EMILIN1: variants seen among roughly 807,000 people sequenced by gnomAD.
The protein encoded by EMILIN1 is EMILIN-1.
EMILIN1 carries 49 observed loss-of-function variants against 82.4 expected under a neutral mutation model. The ratio of observed to expected loss-of-function variants is 0.59; its 90% CI spans 0.47 to 0.75. The LOEUF is 0.75. Ranked by LOEUF, EMILIN1 falls within the 30% of genes least tolerant of loss-of-function variation. EMILIN1 has a pLI of 0.00. For synonymous variants in EMILIN1, 604 were observed against 602.2 expected (o/e 1.00, Z -0.04); for missense variants, 1,313 against 1,366.4 (o/e 0.96, Z 0.62).
chr2:27,082,854 G>T lies in EMILIN1; in HGVS notation c.1283G>T (p.Trp428Leu). Residue 428 changes from tryptophan to leucine, a missense_variant, in exon 4 of 8, where the codon TGG (tryptophan) becomes TTG (leucine). Physicochemically the swap from Trp to Leu is moderately conservative, Grantham distance 61 (BLOSUM62 -2). Coordinates refer to ENST00000380320, the MANE Select transcript of EMILIN1 (RefSeq NM_007046.4). ...LGPSEEQEES[W>L]PGAPGGLSHW... ...CCTTCGGAGGAGCAGGAGGAGAGCTGGCCTGGGGCTCCTGGGGGGCTGAGC... is the reference window on the plus strand; with the variant it reads ...CCTTCGGAGGAGCAGGAGGAGAGCTTGCCTGGGGCTCCTGGGGGGCTGAGC... 1 of 1,584,400 alleles carries T rather than the reference G, an allele frequency of 6.3e-7. No homozygotes were observed. Among genetic ancestry groups the T allele is most frequent in the Non-Finnish European group, 8.5e-7 (1 of 1,173,472 alleles).
At chr2:27,085,493 T>G (rs1353267578) in intron 7 of EMILIN1, among the ~76,000 whole-genome samples, 185 bp from the exon 8 acceptor site, 1 of 152,240 alleles carries the variant, frequency 6.6e-6, no homozygotes, top group East Asian at 1.9e-4. Flanking sequence ...AGATCTTTAC[T>G]GGGGCCTGCT....
chr2:27,079,079 C>A lies in EMILIN1; in HGVS notation c.14C>A (p.Thr5Asn). Residue 5 changes from threonine (T) to asparagine (N), a missense_variant, in exon 1 of 8, where the codon ACC (threonine) becomes AAC (asparagine). Transcript: ENST00000380320. MAPR[T>N]LWSCYLCCLL... is the part of the protein sequence containing the mutation. ...GAGCGCCCCGCCATGGCCCCCCGCACCCTCTGGAGCTGCTACCTCTGCTGC... is the reference window on the plus strand; with the variant it reads ...GAGCGCCCCGCCATGGCCCCCCGCAACCTCTGGAGCTGCTACCTCTGCTGC... The A allele has an allele frequency of 6.3e-7, 1 of 1,597,770 alleles. No individual in the cohort carries two copies. Among genetic ancestry groups the A allele is most frequent in the South Asian group, 1.1e-5 (1 of 90,502 alleles).
chr2:27,081,935 TG>T, intron 3 of EMILIN1, 147 bp from the exon 4 acceptor site: 1 of 967,660 alleles, frequency 1.0e-6, no homozygotes, highest in Non-Finnish European at 1.5e-6. Context: ...ATTCAGTGAA[TG>T]GAGTTTCTTT....
At chr2:27,079,271 T>G (rs1572844609) in intron 1 of EMILIN1, 36 bp downstream of exon 1, 1 of 1,516,074 alleles carries the variant, frequency 6.6e-7, no homozygotes. Flanking sequence ...GCTTGGGTGG[T>G]GAGGAAGGGG....
chr2:27,085,734 C>T lies in EMILIN1; in HGVS notation c.2770C>T (p.His924Tyr), dbSNP rs765970898. The change falls in exon 8 of 8, where the codon CAC (histidine) becomes TAC (tyrosine). Residue 924 changes from histidine (H) to tyrosine (Y), a missense_variant. Coordinates refer to ENST00000380320, the MANE Select transcript of EMILIN1 (RefSeq NM_007046.4). ...RYLLSAVLTGHRHEKVEAVLS... is the reference protein window; with the variant it reads ...RYLLSAVLTGYRHEKVEAVLS... Reference sequence around the variant, plus strand: ...CTTGCTGAGCGCGGTGCTGACTGGGCACCGGCACGAGAAAGTGGAGGCCGT... The same window carrying T: ...CTTGCTGAGCGCGGTGCTGACTGGGTACCGGCACGAGAAAGTGGAGGCCGT... 1 of 1,610,420 alleles carries T rather than the reference C, an allele frequency of 6.2e-7. No homozygotes were observed. The highest frequency in any genetic ancestry group is 8.5e-7 in the Non-Finnish European group (1 of 1,177,900).
rs776230332 is a variant in EMILIN1 at position 27,083,914 on chromosome 2, G to A, written c.2343G>A (p.Gly781=). ...CAGCCCTGCTGGAGAAGCTGGTCGGGGGACAGGCGGGCCTGGGCAGGCGGC... is the reference window on the plus strand; with the variant it reads ...CAGCCCTGCTGGAGAAGCTGGTCGGAGGACAGGCGGGCCTGGGCAGGCGGC... The part of the protein sequence containing the change: ...MQAALLEKLV[G]GQAGLGRRLG... The change falls in exon 4 of 8, where the codon GGG becomes GGA. Residue 781 remains glycine, a synonymous_variant. Coordinates refer to ENST00000380320, the MANE Select transcript of EMILIN1 (RefSeq NM_007046.4). 3 of 1,606,642 alleles carry A rather than the reference G, an allele frequency of 1.9e-6. No homozygotes were observed. Among genetic ancestry groups the A allele is most frequent in the Non-Finnish European group, 2.6e-6 (3 of 1,175,596 alleles).
Position 27,083,111 on chromosome 2 carries a change from G to C in EMILIN1, c.1540G>C (p.Val514Leu). 6.4e-7 allele frequency: 1 copy of C among 1,565,292 alleles called. No homozygotes were observed. ...VLDSEGQLRL[V>L]GSGLHTVEAA... ...GGACAGTGAGGGGCAGCTGCGGCTG[G>C]TGGGCTCCGGCCTGCACACGGTGGA... The change falls in exon 4 of 8, where the codon GTG (valine) becomes CTG (leucine). Residue 514 changes from valine (V) to leucine (L), a missense_variant. Transcript: ENST00000380320.
Position 27,082,924 on chromosome 2 carries a change from G to A in EMILIN1, c.1353G>A (p.Gly451=), listed in dbSNP as rs539737004. The change falls in exon 4 of 8, where the codon GGG becomes GGA. Residue 451 remains glycine, a synonymous_variant. Coordinates refer to ENST00000380320, the MANE Select transcript of EMILIN1 (RefSeq NM_007046.4). The part of the protein sequence containing the change: ...AARGRLEQLG[G]LLANVSGELG... ...GGGGCCGACTAGAGCAGTTGGGGGG[G>A]CTGCTGGCCAATGTGAGCGGGGAGC... 3.1e-5 allele frequency: 50 copies of A among 1,591,006 alleles called. No individual in the cohort carries two copies. The South Asian group carries it at 3.9e-4, about 12-fold the overall frequency.
At position 27,082,719 on chromosome 2, in the gene EMILIN1, G is replaced by A. The variant is rs751011388; in HGVS notation, c.1148G>A (p.Arg383Gln). ...TCAGTGACAGTGCTGAGTGGGCGGC[G>A]AGGCACAGAGCTGGGAGGAGCCGCG... ...AGSVTVLSGR[R>Q]GTELGGAAGQ... The change falls in exon 4 of 8, where the codon CGA (arginine) becomes CAA (glutamine). Residue 383 changes from arginine to glutamine, a missense_variant. Coordinates refer to ENST00000380320, the MANE Select transcript of EMILIN1 (RefSeq NM_007046.4). 2.1e-5 allele frequency: 33 copies of A among 1,550,048 alleles called. No individual in the cohort carries two copies. The highest frequency in any genetic ancestry group is 7.6e-5 in the Admixed American group (4 of 52,914).
At position 27,078,815 on chromosome 2, in the gene EMILIN1, C is replaced by T; in HGVS notation, c.-251C>T. 1 of 431,216 alleles carries T rather than the reference C, an allele frequency of 2.3e-6. No homozygotes were observed. The highest frequency in any genetic ancestry group is 4.1e-6 in the Non-Finnish European group (1 of 243,374). 26.7% of individuals were successfully genotyped at this position (431,216 alleles called of 1,614,324 possible). On this transcript the variant is annotated 5_prime_UTR_variant, in exon 1 of 8. Coordinates refer to ENST00000380320, the MANE Select transcript of EMILIN1 (RefSeq NM_007046.4). Reference sequence around the variant, plus strand: ...CCAGAGGGGGCACAGAGAACAAACCCCCTCAGAAGTGAAGAGGAGAGCGGA... The same window carrying T: ...CCAGAGGGGGCACAGAGAACAAACCTCCTCAGAAGTGAAGAGGAGAGCGGA...
In EMILIN1 at chr2:27,079,033, G is replaced by A. The variant is rs765716922; in HGVS notation, c.-33G>A. On this transcript the variant is annotated 5_prime_UTR_variant, in exon 1 of 8. It removes an upstream start codon present in the reference 5' UTR. Coordinates refer to ENST00000380320, the MANE Select transcript of EMILIN1 (RefSeq NM_007046.4). The stretch of plus-strand genomic sequence containing the variant: ...AGAGGCGCCAGTGGCTGGGCGGGAT[G>A]AGTCTCTGAGGGCCACTGTGGAGCG... 1.2e-5 allele frequency: 18 copies of A among 1,491,764 alleles called. No individual in the cohort carries two copies. The African/African-American group carries it at 2.6e-4, about 22-fold the overall frequency. The allele number at this position is 1,491,764 out of a possible 1,614,324, so 92.4% of individuals were successfully genotyped here.
rs1669524513 is a variant in EMILIN1, at chr2:27,083,488, C to T, written c.1917C>T (p.Ala639=). Residue 639 remains alanine (A), a synonymous_variant, in exon 4 of 8, where the codon GCC becomes GCT. Coordinates refer to ENST00000380320, the MANE Select transcript of EMILIN1 (RefSeq NM_007046.4). ...TGTTTGGGGGCAGCTCAGGCTCAGC[C>T]CTGCAGGCCCTGCAAGGAGAGCTCT... ...FSVFGGSSGS[A]LQALQGELSE... is the part of the protein sequence containing the mutation. The T allele has an allele frequency of 6.2e-7, 1 of 1,613,624 alleles. No homozygotes were observed. The highest frequency in any genetic ancestry group is 1.3e-5 in the African/African-American group (1 of 75,058).
Position 27,082,425 on chromosome 2 carries a change from G to T in EMILIN1, c.854G>T (p.Gly285Val), listed in dbSNP as rs1572846172. 1 of 1,601,234 alleles carries T rather than the reference G, an allele frequency of 6.2e-7. No individual in the cohort carries two copies. Among genetic ancestry groups the T allele is most frequent in the Non-Finnish European group, 8.5e-7 (1 of 1,176,014 alleles). ...RAPAPASAPP[G>V]PSEELLRQLE... ...CCAGCCCCAGCCTCAGCCCCTCCGG[G>T]CCCCAGTGAGGAGCTGCTGCGGCAG... Residue 285 changes from glycine (G) to valine (V), a missense_variant, in exon 4 of 8, where the codon GGC becomes GTC. Transcript: ENST00000380320.
Position 27,080,235 on chromosome 2 carries a change from T to C in EMILIN1, c.255T>C (p.Cys85=). ...AGACATATGTCAAGTACCAGCCTTG[T>C]GCCTGGGGCCAGCCCCAGTGTCCCC... ...GVETYVKYQP[C]AWGQPQCPQS... Residue 85 remains cysteine, a synonymous_variant, in exon 2 of 8, where the codon TGT becomes TGC. Transcript: ENST00000380320. The C allele has an allele frequency of 2.5e-6, 4 of 1,614,140 alleles. No individual in the cohort carries two copies. Among genetic ancestry groups the C allele is most frequent in the Non-Finnish European group, 3.4e-6 (4 of 1,179,970 alleles).
chr2:27,081,931 T>C (rs1343944114), intron 3 of EMILIN1, 152 bp from the exon 4 acceptor site: 2 of 942,102 alleles, frequency 2.1e-6, no homozygotes, highest in Admixed American at 5.9e-5. Context: ...AGGCATTCAG[T>C]GAATGGAGTT....
rs1472315032 is a variant in EMILIN1, at chr2:27,079,138, C to T, written c.73C>T (p.Pro25Ser). ...LTAAAGAASY[P>S]PRGFSLYTGS... ...GGCAGCTGCAGGGGCCGCCAGCTACCCTCCTCGAGGTTTCAGCCTCTACAC... is the reference window on the plus strand; with the variant it reads ...GGCAGCTGCAGGGGCCGCCAGCTACTCTCCTCGAGGTTTCAGCCTCTACAC... Residue 25 changes from proline (P) to serine (S), a missense_variant, in exon 1 of 8, where the codon CCT becomes TCT. Pro to Ser is a moderately conservative substitution (Grantham distance 74). Coordinates refer to ENST00000380320, the MANE Select transcript of EMILIN1 (RefSeq NM_007046.4). 3 of 1,604,326 alleles carry T rather than the reference C, an allele frequency of 1.9e-6. No homozygotes were observed. The highest frequency in any genetic ancestry group is 1.7e-4 in the Middle Eastern group (1 of 6,050).
rs75632595 is a variant in EMILIN1, at chr2:27,078,784, G to A, written c.-282G>A. On this transcript the variant is annotated 5_prime_UTR_variant, in exon 1 of 8. Transcript: ENST00000380320. ...CCTGAGAGGGGCAGGGACCAGGCGC[G>A]GGAGGCCAGAGGGGGCACAGAGAAC... 4 of 374,264 alleles carry A rather than the reference G, an allele frequency of 1.1e-5. No homozygotes were observed. Among genetic ancestry groups the A allele is most frequent in the African/African-American group, 2.1e-5 (1 of 47,688 alleles). The allele number at this position is 374,264 out of a possible 1,614,324, so 23.2% of individuals were successfully genotyped here.
chr2:27,080,747 C>G lies in EMILIN1; in HGVS notation c.306C>G (p.Leu102=), dbSNP rs1184985923. ...CPQSIMYRRF[L]RPRYRVAYKT... ...CCTCTGCCAGGTACCGCCGCTTCCT[C>G]CGCCCTCGCTACCGTGTGGCCTACA... The change falls in exon 3 of 8, where the codon CTC becomes CTG. Residue 102 remains leucine (L), a synonymous_variant. Transcript: ENST00000380320. 1 of 1,613,280 alleles carries G rather than the reference C, an allele frequency of 6.2e-7. No individual in the cohort carries two copies. The highest frequency in any genetic ancestry group is 1.1e-5 in the South Asian group (1 of 90,916).
chr2:27,082,216 G>A lies in EMILIN1; in HGVS notation c.645G>A (p.Glu215=). The change falls in exon 4 of 8, where the codon GAG becomes GAA. Residue 215 remains glutamate (E), a synonymous_variant. Coordinates refer to ENST00000380320, the MANE Select transcript of EMILIN1 (RefSeq NM_007046.4). ...RLAEDVQRAV[E]TAFNGRQQPA... is the part of the protein sequence containing the mutation. ...CAGAGGATGTGCAGAGGGCTGTGGA[G>A]ACGGCCTTCAACGGGAGGCAGCAGC... 6.2e-7 allele frequency: 1 copy of A among 1,613,628 alleles called. No homozygotes were observed. Among genetic ancestry groups the A allele is most frequent in the South Asian group, 1.1e-5 (1 of 91,090 alleles).
Sources: allele counts gnomAD v4.1 joint callset (sites outside exome capture counted in the v4.1 genomes callset), GRCh38; gene constraint gnomAD v4.1.1; transcripts MANE v1.5; gene names NCBI Gene and HGNC (gene_info 2026-07-23, HGNC 2026-07-21).